The following MTM1 variants were observed in gnomAD, a reference collection of about 807,000 sequenced individuals.
MTM1 encodes the protein myotubularin.
MTM1 carries 9 observed loss-of-function variants against 52.1 expected under a neutral mutation model. That is an observed-to-expected ratio of 0.17 (90% CI 0.10 to 0.30). MTM1 has a LOEUF of 0.30. Ranked by LOEUF, MTM1 falls within the 10% of genes least tolerant of loss-of-function variation. The probability of loss-of-function intolerance (pLI) is 1.00; values close to 1 mark genes in which losing one functional copy is unlikely to be tolerated. For synonymous variants in MTM1, 136 were observed against 163.8 expected (o/e 0.83, Z 1.29); for missense variants, 277 against 470.7 (o/e 0.59, Z 3.81).
Position 150,646,051 on chromosome X carries a change from A to C in MTM1, c.867+180A>C, listed in dbSNP as rs222368. On this transcript the variant is annotated intron_variant, in intron 9 of 14. Transcript: ENST00000370396. The stretch of plus-strand genomic sequence containing the variant: ...CTTAAACAAAATTGAATATATCAAA[A>C]TCAAATGCAAATAAACTTTAGGTAA... 0.15 allele frequency among the ~76,000 whole-genome samples: 16,751 copies of C among 111,794 alleles called. 1,140 individuals are homozygous for C. The highest frequency in any genetic ancestry group is 0.25 in the African/African-American group (7,683 of 30,671).
intron 1 of MTM1, among the ~76,000 whole-genome samples, chrX:150,587,264 C>T (rs187526998): frequency 4.2e-4 from 47 of 111,815 alleles, no homozygotes; most frequent in Non-Finnish European, 6.6e-4. Flanking sequence ...CGGCTGAAGA[C>T]GGTTCACATG....
At chrX:150,656,277 G>T (rs1210604547) in intron 10 of MTM1, among the ~76,000 whole-genome samples, 1 of 111,683 alleles carries the variant, frequency 9.0e-6, no homozygotes, top group African/African-American at 3.3e-5. Context: ...AACTGTACTG[G>T]AGTAGTGTGG....
At position 150,592,648 on chromosome X, in the gene MTM1, C is replaced by A. The variant is rs2038905389; in HGVS notation, c.34C>A (p.His12Asn). 1 of 1,191,166 alleles carries A rather than the reference C, an allele frequency of 8.4e-7. No individual in the cohort carries two copies. The change falls in exon 2 of 15, where the codon CAC becomes AAC. Residue 12 changes from histidine (H) to asparagine (N), a missense_variant. By Grantham distance (68) the His-to-Asn change is moderately conservative. Transcript: ENST00000370396. ...ASASTSKYNS[H>N]SLENESIKRT... The stretch of plus-strand genomic sequence containing the variant: ...TGCATCAACTTCTAAATATAATTCA[C>A]ACTCCTTGGAGAATGAGTCTATTAA...
At chrX:150,592,818 T>TTTA (rs2038909033) in intron 2 of MTM1, 141 bp downstream of exon 2, 1 of 467,752 alleles carries the variant, frequency 2.1e-6, no homozygotes, top group Non-Finnish European at 3.6e-6. Flanking sequence ...ATGTGGTTTC[T>TTTA]TTATTGTCTC....
intron 6 of MTM1, among the ~76,000 whole-genome samples, chrX:150,632,572 G>A (rs1289914355): frequency 2.7e-5 from 3 of 111,699 alleles, no homozygotes; most frequent in Non-Finnish European, 5.6e-5. Flanking sequence ...GTAGGTGGAG[G>A]GGACGGGAGT....
At chrX:150,582,380 T>A (rs1443988921) in intron 1 of MTM1, among the ~76,000 whole-genome samples, 4 of 112,165 alleles carry the variant, frequency 3.6e-5, no homozygotes, top group African/African-American at 1.3e-4. Flanking sequence ...AATGTAACCA[T>A]ATGTTGACAT....
At chrX:150,579,130 C>G (rs781943522) in intron 1 of MTM1, among the ~76,000 whole-genome samples, 23 of 110,576 alleles carry the variant, frequency 2.1e-4, no homozygotes, top group Non-Finnish European at 4.0e-4. Context: ...TCTCAGCTCA[C>G]TGCAACCTCC....
chrX:150,658,568 CT>C (rs2040165745), intron 11 of MTM1, among the ~76,000 whole-genome samples: 1 of 110,219 alleles, frequency 9.1e-6, no homozygotes, highest in Admixed American at 9.6e-5. Context: ...AAATTTCTCT[CT>C]CAATTAAAAA....
intron 9 of MTM1, among the ~76,000 whole-genome samples, chrX:150,648,595 G>A (rs1373482963): frequency 2.7e-5 from 3 of 112,622 alleles, no homozygotes; most frequent in African/African-American, 6.5e-5. Context: ...CAAAGGCCAC[G>A]TGTTCTATGC....
At chrX:150,638,120 G>A (rs2039782193) in intron 6 of MTM1, among the ~76,000 whole-genome samples, 1 of 112,186 alleles carries the variant, frequency 8.9e-6, no homozygotes, top group African/African-American at 3.2e-5. Context: ...AAGGTTTTCA[G>A]CTCAATCAGC....
intron 1 of MTM1, among the ~76,000 whole-genome samples, chrX:150,569,312 C>T (rs2038322884): frequency 8.8e-6 from 1 of 113,517 alleles, no homozygotes; most frequent in Admixed American, 9.2e-5. Context: ...GGCCGGGTTG[C>T]CTCCCTTAAC....
intron 11 of MTM1, among the ~76,000 whole-genome samples, chrX:150,659,253 T>C (rs1343087123): frequency 2.7e-5 from 3 of 112,338 alleles, no homozygotes; most frequent in African/African-American, 9.7e-5. Context: ...TCATCATACC[T>C]TTTGGACATG....
intron 4 of MTM1, among the ~76,000 whole-genome samples, chrX:150,607,790 G>A (rs2039195658): frequency 9.0e-6 from 1 of 111,708 alleles, no homozygotes; most frequent in African/African-American, 3.3e-5. Flanking sequence ...TATGCCAGGT[G>A]CTAGGATATG....
chrX:150,571,887 C>T (rs2038384711), intron 1 of MTM1, among the ~76,000 whole-genome samples: 1 of 111,968 alleles, frequency 8.9e-6, no homozygotes, highest in Admixed American at 9.5e-5. Context: ...TCAGGAGACC[C>T]AGTAGGAGTT....
chrX:150,653,452 A>C (rs2040061200), intron 10 of MTM1, among the ~76,000 whole-genome samples: 1 of 112,079 alleles, frequency 8.9e-6, no homozygotes, highest in African/African-American at 3.2e-5. Context: ...TCTCAAAATC[A>C]CTAAGTTGAT....
intron 2 of MTM1, among the ~76,000 whole-genome samples, chrX:150,593,922 C>CA (rs1383842434): frequency 5.3e-4 from 57 of 107,850 alleles, no homozygotes; most frequent in African/African-American, 1.8e-3. Context: ...GCCGAGATCT[C>CA]ACCACTGCAC....
At chrX:150,654,318 A>AATG (rs1383627051) in intron 10 of MTM1, among the ~76,000 whole-genome samples, 2 of 110,812 alleles carry the variant, frequency 1.8e-5, no homozygotes, top group Non-Finnish European at 3.8e-5. Context: ...CCTCTGTAAA[A>AATG]ATGCATTAGA....
intron 7 of MTM1, among the ~76,000 whole-genome samples, chrX:150,639,757 A>G (rs1434006657): frequency 8.9e-6 from 1 of 112,353 alleles, no homozygotes; most frequent in African/African-American, 3.2e-5. Flanking sequence ...TTCTTGTTCT[A>G]CAAAGCTCTT....
intron 13 of MTM1, among the ~76,000 whole-genome samples, chrX:150,662,162 A>G (rs1272707124): frequency 5.4e-5 from 6 of 111,703 alleles, no homozygotes; most frequent in African/African-American, 9.8e-5. Context: ...TTTTTAAACT[A>G]TGTGCATATA....
Sources: allele counts gnomAD v4.1 joint callset (sites outside exome capture counted in the v4.1 genomes callset), GRCh38; gene constraint gnomAD v4.1.1; transcripts MANE v1.5; gene names NCBI Gene and HGNC (gene_info 2026-07-23, HGNC 2026-07-21).